RUNX1: variants seen among roughly 807,000 people sequenced by gnomAD.
RUNX1 encodes the protein runt-related transcription factor 1.
In RUNX1, 19 loss-of-function variants were observed where a neutral mutation model predicts 42.8. The ratio of observed to expected loss-of-function variants is 0.44; its 90% CI spans 0.31 to 0.65. RUNX1 has a LOEUF of 0.65. RUNX1 is among the 30% of genes least tolerant of loss of function. The probability of loss-of-function intolerance (pLI) is 0.07; values close to 1 mark genes in which losing one functional copy is unlikely to be tolerated. For missense variants in RUNX1, 528 were observed against 672.0 expected, an observed-to-expected ratio of 0.79 and a Z score of 2.37; for synonymous variants, 271 against 289.4, an observed-to-expected ratio of 0.94 and a Z score of 0.64.
chr21:34,992,954 G>A (rs1250747979), intron 2 of RUNX1, among the ~76,000 whole-genome samples: 1 of 152,226 alleles, frequency 6.6e-6, no homozygotes, highest in African/African-American at 2.4e-5. Context: ...GCAGGGAGGG[G>A]AGCGGAGACT....
chr21:34,807,291 T>G (rs2056693280), intron 7 of RUNX1, among the ~76,000 whole-genome samples: 2 of 152,240 alleles, frequency 1.3e-5, no homozygotes, highest in Non-Finnish European at 2.9e-5. Context: ...TAGGGTCTTT[T>G]AAACACCCAC....
intron 2 of RUNX1, among the ~76,000 whole-genome samples, chr21:34,925,368 G>A (rs1035324339): frequency 1.3e-5 from 2 of 152,140 alleles, no homozygotes; most frequent in Admixed American, 1.3e-4. Context: ...TTGAAATAGG[G>A]TCTTTGCAAT....
intron 2 of RUNX1, among the ~76,000 whole-genome samples, chr21:35,007,136 T>C (rs1234241308): frequency 6.6e-6 from 1 of 152,222 alleles, no homozygotes; most frequent in East Asian, 1.9e-4. Context: ...ATAATTTTTA[T>C]ATAGAATGCA....
intron 2 of RUNX1, among the ~76,000 whole-genome samples, chr21:35,020,547 G>C (rs1279718470): frequency 6.6e-6 from 1 of 152,176 alleles, no homozygotes; most frequent in African/African-American, 2.4e-5. Context: ...TTTGGCTTAT[G>C]CAAAGGAATT....
intron 2 of RUNX1, among the ~76,000 whole-genome samples, chr21:35,046,028 C>T (rs1168081364): frequency 2.0e-5 from 3 of 152,188 alleles, no homozygotes; most frequent in Non-Finnish European, 2.9e-5. Flanking sequence ...TTTTCCTCCC[C>T]ACACCTACCT....
At chr21:34,866,826 T>A (rs185753656) in intron 5 of RUNX1, among the ~76,000 whole-genome samples, 2 of 152,314 alleles carry the variant, frequency 1.3e-5, no homozygotes, top group African/African-American at 4.8e-5. Flanking sequence ...ACATCACACA[T>A]GCAAAATGCA....
At chr21:34,863,085 A>G (rs2057600375) in intron 5 of RUNX1, among the ~76,000 whole-genome samples, 1 of 152,152 alleles carries the variant, frequency 6.6e-6, no homozygotes, top group Non-Finnish European at 1.5e-5. Context: ...AATAAACAAG[A>G]TGGATTTTAT....
intron 2 of RUNX1, among the ~76,000 whole-genome samples, chr21:34,905,841 C>T (rs774091793): frequency 6.6e-6 from 1 of 152,124 alleles, no homozygotes; most frequent in Admixed American, 6.5e-5. Flanking sequence ...AAACTTATCA[C>T]GTAGCTTTTC....
chr21:34,883,693 T>C (rs563982229), intron 4 of RUNX1, among the ~76,000 whole-genome samples: 3 of 152,330 alleles, frequency 2.0e-5, no homozygotes, highest in South Asian at 4.1e-4. Context: ...TATCAGGAAG[T>C]TGGGCCAAAT....
At position 34,967,506 on chromosome 21, in the gene RUNX1, T is replaced by C. The variant is rs553588219; in HGVS notation, c.59-74543A>G. 3.3e-5 allele frequency among the ~76,000 whole-genome samples: 5 copies of C among 151,556 alleles called. No homozygotes were observed. The East Asian group carries it at 9.8e-4, about 30-fold the overall frequency. ...CCCTGAACACAGGATCTCAGTGTTGTCTCAAATCAGCCCTTTTGCAGGCAT... is the reference window on the plus strand; with the variant it reads ...CCCTGAACACAGGATCTCAGTGTTGCCTCAAATCAGCCCTTTTGCAGGCAT... On this transcript the variant is annotated intron_variant, in intron 2 of 8. Transcript: ENST00000675419.
chr21:34,960,185 C>T (rs190413379), intron 2 of RUNX1, among the ~76,000 whole-genome samples: 1 of 152,128 alleles, frequency 6.6e-6, no homozygotes, highest in Non-Finnish European at 1.5e-5. Context: ...GAGACTCAAC[C>T]ATGTGTTCAC....
intron 2 of RUNX1, chr21:35,038,815 C>G (rs1308560389): frequency 2.2e-6 from 1 of 449,456 alleles, no homozygotes; most frequent in Admixed American, 2.4e-5. Flanking sequence ...AGAGCTGAAG[C>G]CTGGCAGCCT....
chr21:34,986,076 T>C (rs1479097955), intron 2 of RUNX1, among the ~76,000 whole-genome samples: 3 of 152,068 alleles, frequency 2.0e-5, no homozygotes, highest in Non-Finnish European at 4.4e-5. Context: ...TTTGCCATGT[T>C]GCCCAGGCTG....
At chr21:34,973,927 C>T (rs2058780920) in intron 2 of RUNX1, among the ~76,000 whole-genome samples, 1 of 152,156 alleles carries the variant, frequency 6.6e-6, no homozygotes, top group African/African-American at 2.4e-5. Context: ...CATACTTCCA[C>T]AAGTGCACTC....
intron 7 of RUNX1, among the ~76,000 whole-genome samples, chr21:34,824,940 T>C (rs2056965846): frequency 1.3e-5 from 2 of 152,242 alleles, no homozygotes; most frequent in Non-Finnish European, 2.9e-5. Flanking sequence ...AGAGCTGTTT[T>C]TCATATTAGC....
intron 2 of RUNX1, among the ~76,000 whole-genome samples, chr21:35,040,902 A>G (rs2059354147): frequency 1.3e-5 from 2 of 152,130 alleles, no homozygotes; most frequent in African/African-American, 4.8e-5. Context: ...CCATCTGGCA[A>G]GCTGACTGCT....
At chr21:35,010,875 A>G (rs2059121670) in intron 2 of RUNX1, among the ~76,000 whole-genome samples, 1 of 152,220 alleles carries the variant, frequency 6.6e-6, no homozygotes, top group African/African-American at 2.4e-5. Context: ...AGAATCATCT[A>G]TTCTGGAAAA....
intron 2 of RUNX1, among the ~76,000 whole-genome samples, chr21:34,921,309 C>G (rs2058352419): frequency 6.6e-6 from 1 of 152,198 alleles, no homozygotes; most frequent in Admixed American, 6.5e-5. Context: ...TCCCCCTCCC[C>G]CACAGCCTCT....
intron 2 of RUNX1, among the ~76,000 whole-genome samples, chr21:35,001,307 T>TA (rs1419892093): frequency 0.011 from 693 of 65,748 alleles, 3 homozygotes; most frequent in African/African-American, 0.055. Flanking sequence ...GAGTTATGGT[T>TA]TTATATATAT....
Sources: allele counts gnomAD v4.1 joint callset (sites outside exome capture counted in the v4.1 genomes callset), GRCh38; gene constraint gnomAD v4.1.1; transcripts MANE v1.5; gene names NCBI Gene and HGNC (gene_info 2026-07-23, HGNC 2026-07-21).